Variants in ENOX1 observed in about 807,000 individuals in gnomAD.
ENOX1 encodes ecto-NOX disulfide-thiol exchanger 1.
ENOX1 carries 42 observed loss-of-function variants against 82.5 expected under a neutral mutation model. The observed-to-expected ratio is 0.51, with a 90% confidence interval of 0.40 to 0.66. ENOX1 has a LOEUF of 0.66. Among genes scored for constraint, ENOX1 ranks in the 30% least tolerant of loss-of-function variants. ENOX1 has a pLI of 0.00. For missense variants in ENOX1, 608 were observed against 811.6 expected (o/e 0.75, Z 3.05); for synonymous variants, 271 against 282.2 (o/e 0.96, Z 0.40).
chr13:43,677,987 G>GCA (rs1375670407), intron 1 of ENOX1, among the ~76,000 whole-genome samples: 1 of 151,594 alleles, frequency 6.6e-6, no homozygotes, highest in East Asian at 1.9e-4. Context: ...CACTAATTTA[G>GCA]ACTTCACTAA....
At chr13:43,640,157 T>C (rs1169813452) in intron 2 of ENOX1, among the ~76,000 whole-genome samples, 3 of 152,248 alleles carry the variant, frequency 2.0e-5, no homozygotes, top group Non-Finnish European at 4.4e-5. Context: ...AAGTAGATTA[T>C]ATACTCCCTA....
chr13:43,254,532 C>A (rs2043637937), intron 14 of ENOX1, among the ~76,000 whole-genome samples: 1 of 152,114 alleles, frequency 6.6e-6, no homozygotes, highest in Non-Finnish European at 1.5e-5. Context: ...AAAAGCTTCC[C>A]TATTTATAAA....
chr13:43,287,632 C>A (rs1382437262), intron 12 of ENOX1, among the ~76,000 whole-genome samples: 3 of 152,298 alleles, frequency 2.0e-5, no homozygotes, highest in African/African-American at 7.2e-5. Context: ...GGCTTATCTT[C>A]TTCCTCATCT....
Position 43,687,658 on chromosome 13 carries a change from G to A in ENOX1, c.-284-20114C>T, listed in dbSNP as rs541173021. Among the ~76,000 whole-genome samples the A allele has an allele frequency of 5.3e-5, 8 of 152,282 alleles. No individual in the cohort carries two copies. The South Asian group carries it at 1.0e-3, about 20-fold the overall frequency. On this transcript the variant is annotated intron_variant, in intron 1 of 16. Transcript: ENST00000690772. ...AAACATCACTTGATATTACCCTACAGTGCATGCTATGTTCCAAGCATGATG... is the reference window on the plus strand; with the variant it reads ...AAACATCACTTGATATTACCCTACAATGCATGCTATGTTCCAAGCATGATG...
chr13:43,254,144 G>A (rs563388992), intron 14 of ENOX1, among the ~76,000 whole-genome samples: 5 of 152,144 alleles, frequency 3.3e-5, no homozygotes, highest in African/African-American at 4.8e-5. Flanking sequence ...ATATTTTCTC[G>A]AGAGGATGGA....
chr13:43,685,911 CACT>C (rs2086049922), intron 1 of ENOX1, among the ~76,000 whole-genome samples: 1 of 150,846 alleles, frequency 6.6e-6, no homozygotes, highest in South Asian at 2.1e-4. Flanking sequence ...CACACACACA[CACT>C]ACATGGTTGA....
chr13:43,548,172 G>A (rs896020643), intron 2 of ENOX1: 4 of 152,166 alleles, frequency 2.6e-5, no homozygotes, highest in Non-Finnish European at 5.9e-5. Flanking sequence ...AAGAAAAGGA[G>A]TTTCTATTTC....
chr13:43,216,541 A>G (rs1007763756), intron 16 of ENOX1, among the ~76,000 whole-genome samples: 1 of 152,166 alleles, frequency 6.6e-6, no homozygotes, highest in African/African-American at 2.4e-5. Flanking sequence ...CATGAGACCA[A>G]GTTATCTTCT....
chr13:43,525,719 C>G (rs1175969864), intron 2 of ENOX1, among the ~76,000 whole-genome samples: 1 of 152,046 alleles, frequency 6.6e-6, no homozygotes, highest in African/African-American at 2.4e-5. Context: ...TTGCATTTCC[C>G]TAGTCATTAG....
At chr13:43,291,520 C>A (rs2045998302) in intron 12 of ENOX1, among the ~76,000 whole-genome samples, 1 of 152,174 alleles carries the variant, frequency 6.6e-6, no homozygotes, top group African/African-American at 2.4e-5. Context: ...CCAAAGTGTG[C>A]CACCTTAAGT....
rs149772376 is a variant in ENOX1, at chr13:43,667,531, T to C, written c.-271A>G. 41 of 984,518 alleles carry C rather than the reference T, an allele frequency of 4.2e-5. No individual in the cohort carries two copies. The East Asian group carries it at 4.2e-3, about 102-fold the overall frequency. 61.0% of individuals were successfully genotyped at this position (984,518 alleles called of 1,614,324 possible). ...ACATATTATAAATACGACATCATGC[T>C]GGCAGCAAAGGACCTGTAAAATAAA... is the stretch of plus-strand genomic sequence containing the variant. On this transcript the variant is annotated 5_prime_UTR_variant, in exon 2 of 17. Transcript: ENST00000690772.
At chr13:43,712,440 C>T (rs969607157) in intron 1 of ENOX1, among the ~76,000 whole-genome samples, 3 of 151,952 alleles carry the variant, frequency 2.0e-5, no homozygotes, top group African/African-American at 7.3e-5. Flanking sequence ...TTAGTTTTTT[C>T]CAATTCTGTG....
At chr13:43,364,242 C>A (rs1209031637) in intron 5 of ENOX1, among the ~76,000 whole-genome samples, 1 of 152,142 alleles carries the variant, frequency 6.6e-6, no homozygotes, top group African/African-American at 2.4e-5. Context: ...GGCAGCGCAA[C>A]CCGAAGAATC....
At chr13:43,475,540 A>T (rs138371704) in intron 3 of ENOX1, among the ~76,000 whole-genome samples, 1 of 152,306 alleles carries the variant, frequency 6.6e-6, no homozygotes, top group East Asian at 1.9e-4. Context: ...AAGGAAAATC[A>T]AAGGAAGTTC....
intron 1 of ENOX1, among the ~76,000 whole-genome samples, chr13:43,675,733 C>T (rs138566070): frequency 3.3e-5 from 5 of 152,236 alleles, no homozygotes; most frequent in South Asian, 4.2e-4. Context: ...AGGAGGGGCC[C>T]GGCTTCCTTT....
intron 9 of ENOX1, among the ~76,000 whole-genome samples, chr13:43,340,698 G>A (rs1281607649): frequency 6.6e-6 from 1 of 152,170 alleles, no homozygotes; most frequent in African/African-American, 2.4e-5. Flanking sequence ...CATTATGCAT[G>A]CAAGTTGAAA....
intron 2 of ENOX1, among the ~76,000 whole-genome samples, chr13:43,644,222 A>C (rs886826587): frequency 4.6e-5 from 7 of 152,176 alleles, no homozygotes; most frequent in Non-Finnish European, 1.0e-4. Flanking sequence ...GGTCTTTCAT[A>C]CTTTCAACCC....
intron 5 of ENOX1, among the ~76,000 whole-genome samples, chr13:43,379,566 GATTT>G (rs1471494792): frequency 6.6e-6 from 1 of 151,998 alleles, no homozygotes; most frequent in Non-Finnish European, 1.5e-5. Context: ...CAGATTTGAT[GATTT>G]ATTTAAAAAG....
At chr13:43,693,198 T>C (rs141802156) in intron 1 of ENOX1, among the ~76,000 whole-genome samples, 9 of 152,182 alleles carry the variant, frequency 5.9e-5, no homozygotes, top group African/African-American at 1.4e-4. Flanking sequence ...TTCTTTCCTA[T>C]ACATAGATTT....
Sources: allele counts gnomAD v4.1 joint callset (sites outside exome capture counted in the v4.1 genomes callset), GRCh38; gene constraint gnomAD v4.1.1; transcripts MANE v1.5; gene names NCBI Gene and HGNC (gene_info 2026-07-23, HGNC 2026-07-21).